The following CEACAM4 variants were observed in gnomAD, a reference collection of about 807,000 sequenced individuals.
CEACAM4 encodes CEA cell adhesion molecule 4.
A neutral mutation model predicts 28.7 loss-of-function variants in CEACAM4; 30 were observed. The ratio of observed to expected loss-of-function variants is 1.05; its 90% confidence interval spans 0.78 to 1.42. The LOEUF (loss-of-function observed/expected upper bound fraction) is 1.42. CEACAM4 is among the 40% of genes most tolerant of loss of function. CEACAM4 has a pLI of 0.00. For missense variants in CEACAM4, 330 were observed against 308.2 expected (o/e 1.07, Z -0.53); for synonymous variants, 143 against 126.5 (o/e 1.13, Z -0.87).
Position 41,620,231 on chromosome 19 carries a change from A to C in CEACAM4, c.607T>G (p.Ser203Ala), listed in dbSNP as rs782097266. Residue 203 changes from serine (S) to alanine (A), a missense_variant, in exon 5 of 7, where the codon TCT becomes GCT. Ser to Ala is a moderately conservative substitution (Grantham distance 99). Coordinates refer to ENST00000221954, the MANE Select transcript of CEACAM4 (RefSeq NM_001817.4). ...CTTACCGAGAAGGTGGATCTGTGAGAGGGACCATGGCCTGGGGACAGAGAC... is the reference window on the plus strand; with the variant it reads ...CTTACCGAGAAGGTGGATCTGTGAGCGGGACCATGGCCTGGGGACAGAGAC... ...PPASTPGHGP[S>A]HRSTFSAPLP... 1 of 1,484,922 alleles carries C rather than the reference A, an allele frequency of 6.7e-7. No homozygotes were observed. Among genetic ancestry groups the C allele is most frequent in the Non-Finnish European group, 8.9e-7 (1 of 1,122,612 alleles). 92.0% of individuals were successfully genotyped at this position (1,484,922 alleles called of 1,614,324 possible).
downstream of CEACAM4, among the ~76,000 whole-genome samples, chr19:41,617,260 AGGTGGAGAGGTACTAG>A (rs1456314166): frequency 6.6e-6 from 1 of 152,132 alleles, no homozygotes; most frequent in African/African-American, 2.4e-5. Context: ...ACCAAGAAGA[AGGTGGAGAGGTACTAG>A]GGGCATGGAG....
Position 41,619,114 on chromosome 19 carries a change from T to G in CEACAM4, c.*216A>C. On this transcript the variant is annotated 3_prime_UTR_variant, in exon 7 of 7. Transcript: ENST00000221954. ...TGCAAGCCCCCGCTTCCTGTGGTGA[T>G]GAGAGGCCTTTGTCCCGGCCCACCC... The G allele has an allele frequency of 1.8e-6, 1 of 566,078 alleles. No homozygotes were observed. The highest frequency in any genetic ancestry group is 3.1e-6 in the Non-Finnish European group (1 of 319,964). 35.1% of individuals were successfully genotyped at this position (566,078 alleles called of 1,614,324 possible). A position where few individuals can be genotyped will look rare whatever the true frequency, so the allele number is the denominator to read the frequency against.
Position 41,619,306 on chromosome 19 carries a change from CA to C in CEACAM4, c.*23del. On this transcript the variant is annotated 3_prime_UTR_variant, in exon 7 of 7. Coordinates refer to ENST00000221954, the MANE Select transcript of CEACAM4 (RefSeq NM_001817.4). ...GAGCTTCGGGGACGCTCCATCAACC[CA>C]CAAGAGCAGCTCCCAGAGGAACCTA... 1 of 1,608,788 alleles carries C rather than the reference CA, an allele frequency of 6.2e-7. No individual in the cohort carries two copies. The highest frequency in any genetic ancestry group is 8.5e-7 in the Non-Finnish European group (1 of 1,175,318).
chr19:41,625,817 C>A lies in CEACAM4; in HGVS notation c.208G>T (p.Gly70Trp), dbSNP rs1210425257. ...ETIQAYYWHKGKTAEGSPLIA... is the reference protein window; with the variant it reads ...ETIQAYYWHKWKTAEGSPLIA... ...AGAGGGCTCCCTTCTGCCGTTTTCC[C>A]CTTGTGCCAATAATAGGCTTGAATA... The change falls in exon 2 of 7, where the codon GGG (glycine) becomes TGG (tryptophan). Residue 70 changes from glycine to tryptophan, a missense_variant. Gly to Trp is a radical substitution (Grantham distance 184, BLOSUM62 -2). Coordinates refer to ENST00000221954, the MANE Select transcript of CEACAM4 (RefSeq NM_001817.4). The A allele has an allele frequency of 6.2e-7, 1 of 1,613,850 alleles. No individual in the cohort carries two copies. The highest frequency in any genetic ancestry group is 8.5e-7 in the Non-Finnish European group (1 of 1,179,982).
intron 4 of CEACAM4, 127 bp downstream of exon 4, chr19:41,620,444 GTGTC>G: frequency 1.1e-6 from 1 of 906,256 alleles, no homozygotes; most frequent in Non-Finnish European, 1.7e-6. Context: ...GGGGTCCCCT[GTGTC>G]ATGTTTCCTG....
At chr19:41,624,215 G>C (rs781812724) in intron 2 of CEACAM4, among the ~76,000 whole-genome samples, 73 of 151,932 alleles carry the variant, frequency 4.8e-4, no homozygotes, top group Non-Finnish European at 4.3e-4. Flanking sequence ...TTGTATCCAG[G>C]TCTCTGTCTC....
downstream of CEACAM4, among the ~76,000 whole-genome samples, chr19:41,616,155 G>A (rs1010827637): frequency 6.6e-6 from 1 of 151,960 alleles, no homozygotes; most frequent in Non-Finnish European, 1.5e-5. Flanking sequence ...TCAGCCTCCC[G>A]AACAGCCAGG....
At chr19:41,615,927 C>T (rs1286425109), downstream of CEACAM4, among the ~76,000 whole-genome samples, 1 of 152,188 alleles carries the variant, frequency 6.6e-6, no homozygotes, top group Non-Finnish European at 1.5e-5. Context: ...ATGGGGGTGA[C>T]TGTGAACCTA....
downstream of CEACAM4, among the ~76,000 whole-genome samples, chr19:41,614,921 C>T (rs1456588787): frequency 1.8e-5 from 2 of 113,922 alleles, no homozygotes; most frequent in South Asian, 6.2e-4. Flanking sequence ...CAAGGGAAGA[C>T]GAAGGGATAG....
chr19:41,625,385 C>T (rs1288316188), intron 2 of CEACAM4, among the ~76,000 whole-genome samples: 2 of 152,158 alleles, frequency 1.3e-5, no homozygotes, highest in African/African-American at 4.8e-5. Context: ...TGAGGCCCCC[C>T]CGCCCCCGCC....
rs1451457832 is a variant in CEACAM4, at chr19:41,619,128, C to T, written c.*202G>A. ...TCCTGTGGTGATGAGAGGCCTTTGT[C>T]CCGGCCCACCCAGAGCCCAGGGCAA... On this transcript the variant is annotated 3_prime_UTR_variant, in exon 7 of 7. Coordinates refer to ENST00000221954, the MANE Select transcript of CEACAM4 (RefSeq NM_001817.4). The T allele has an allele frequency of 1.7e-5, 10 of 580,738 alleles. No homozygotes were observed. Among genetic ancestry groups the T allele is most frequent in the Non-Finnish European group, 3.1e-5 (10 of 327,834 alleles). The allele number at this position is 580,738 out of a possible 1,614,324, so 36.0% of individuals were successfully genotyped here.
chr19:41,626,805 C>A, intron 1 of CEACAM4, 95 bp downstream of exon 1: 1 of 1,090,682 alleles, frequency 9.2e-7, no homozygotes. Context: ...CCCAGGAGAC[C>A]CCAGCCAGAA....
At chr19:41,624,461 A>G (rs1014074013) in intron 2 of CEACAM4, among the ~76,000 whole-genome samples, 6 of 152,210 alleles carry the variant, frequency 3.9e-5, no homozygotes, top group Non-Finnish European at 8.8e-5. Flanking sequence ...GAACTTCCCC[A>G]GCACTGACTG....
chr19:41,619,185 C>T lies in CEACAM4; in HGVS notation c.*145G>A. 1 of 698,818 alleles carries T rather than the reference C, an allele frequency of 1.4e-6. No individual in the cohort carries two copies. 43.3% of individuals were successfully genotyped at this position (698,818 alleles called of 1,614,324 possible). Reference sequence around the variant, plus strand: ...AGGGTCTCCAGATATTCAGCAGGGACTCCCATCCCTCCCTGTCCCCAGGCC... The same window carrying T: ...AGGGTCTCCAGATATTCAGCAGGGATTCCCATCCCTCCCTGTCCCCAGGCC... On this transcript the variant is annotated 3_prime_UTR_variant, in exon 7 of 7. Coordinates refer to ENST00000221954, the MANE Select transcript of CEACAM4 (RefSeq NM_001817.4).
downstream of CEACAM4, among the ~76,000 whole-genome samples, chr19:41,617,044 C>T (rs2070994156): frequency 6.6e-6 from 1 of 152,198 alleles, no homozygotes; most frequent in Non-Finnish European, 1.5e-5. Context: ...ATAGCTTCCT[C>T]TTTCTTACAC....
chr19:41,619,753 G>T lies in CEACAM4; in HGVS notation c.628-42C>A, dbSNP rs369817163. 56 of 1,501,452 alleles carry T rather than the reference G, an allele frequency of 3.7e-5. No homozygotes were observed. The East Asian group carries it at 1.0e-3, about 27-fold the overall frequency. 93.0% of individuals were successfully genotyped at this position (1,501,452 alleles called of 1,614,324 possible). Reference sequence around the variant, plus strand: ...GGAGATGTCAGGGGACAGGGAGGGAGGGTCACGGAAGCCCAGCCTGGAAGG... The same window carrying T: ...GGAGATGTCAGGGGACAGGGAGGGATGGTCACGGAAGCCCAGCCTGGAAGG... On this transcript the variant is annotated intron_variant, in intron 5 of 6. Transcript: ENST00000221954.
intron 2 of CEACAM4, among the ~76,000 whole-genome samples, chr19:41,622,609 C>T (rs2071360314): frequency 6.6e-6 from 1 of 152,134 alleles, no homozygotes; most frequent in African/African-American, 2.4e-5. Flanking sequence ...TACAGTACCT[C>T]AGTAAGTCAA....
intron 3 of CEACAM4, among the ~76,000 whole-genome samples, chr19:41,620,880 G>C (rs2071240569): frequency 6.6e-6 from 1 of 151,968 alleles, no homozygotes. Flanking sequence ...CAGGGACCCA[G>C]GAAAGGGACT....
Position 41,621,676 on chromosome 19 carries a change from A to G in CEACAM4, c.517T>C (p.Phe173Leu). The G allele has an allele frequency of 6.2e-7, 1 of 1,609,310 alleles. No homozygotes were observed. Among genetic ancestry groups the G allele is most frequent in the Non-Finnish European group, 8.5e-7 (1 of 1,175,702 alleles). ...CTTCCAGTCCTGGAGAGAAGCAGAA[A>G]ACACACCAGGGCGGCCACCAGAGCC... ...GVALVAALVC[F>L]LLLSRTGRAS... is the part of the protein sequence containing the mutation. The change falls in exon 3 of 7, where the codon TTT becomes CTT. Residue 173 changes from phenylalanine (F) to leucine (L), a missense_variant. Transcript: ENST00000221954.
Sources: gnomAD v4.1 joint callset for allele counts (sites outside exome capture counted in the v4.1 genomes callset) on GRCh38, gnomAD v4.1.1 for gene constraint, MANE v1.5 for transcripts, NCBI Gene and HGNC (gene_info 2026-07-23, HGNC 2026-07-21) for gene names.